SGCZ: variants seen among roughly 807,000 people sequenced by gnomAD.
SGCZ encodes zeta-sarcoglycan.
In SGCZ, 40 loss-of-function variants were observed where a neutral mutation model predicts 41.3. That is an observed-to-expected ratio of 0.97 (90% CI 0.75 to 1.26). The LOEUF is 1.26. Ranked by LOEUF, SGCZ falls within the 50% of genes most tolerant of loss-of-function variation. SGCZ has a pLI of 0.00. For missense variants in SGCZ, 552 were observed against 369.8 expected (o/e 1.49, Z -4.04); for synonymous variants, 206 against 137.5 (o/e 1.50, Z -3.49).
intron 1 of SGCZ, among the ~76,000 whole-genome samples, chr8:14,871,668 G>C (rs1804155521): frequency 1.3e-5 from 2 of 152,010 alleles, no homozygotes; most frequent in South Asian, 2.1e-4. Context: ...GCTGGGCATG[G>C]TGGCATGCAC....
intron 2 of SGCZ, among the ~76,000 whole-genome samples, chr8:14,330,310 T>C (rs11203600): frequency 0.91 from 138,958 of 152,068 alleles, 63,719 homozygotes; most frequent in South Asian, 0.96. Flanking sequence ...TTGAATTGAA[T>C]AGAATTTACC....
intron 1 of SGCZ, among the ~76,000 whole-genome samples, chr8:15,079,725 T>C (rs924026884): frequency 6.6e-6 from 1 of 152,180 alleles, no homozygotes; most frequent in African/African-American, 2.4e-5. Context: ...ATGTCCATCA[T>C]ATTTATTTAG....
At chr8:15,204,678 G>T (rs894368636) in intron 1 of SGCZ, among the ~76,000 whole-genome samples, 6 of 152,114 alleles carry the variant, frequency 3.9e-5, no homozygotes, top group African/African-American at 1.4e-4. Context: ...CCTGCCCTCT[G>T]TATAAAGCCC....
At chr8:14,695,133 C>T (rs1457984925) in intron 1 of SGCZ, among the ~76,000 whole-genome samples, 1 of 151,690 alleles carries the variant, frequency 6.6e-6, no homozygotes, top group Non-Finnish European at 1.5e-5. Flanking sequence ...AAGGAAGAGT[C>T]AATCTTAGTT....
intron 3 of SGCZ, among the ~76,000 whole-genome samples, chr8:14,322,692 G>A (rs1048022279): frequency 2.6e-5 from 4 of 152,102 alleles, no homozygotes; most frequent in South Asian, 4.1e-4. Flanking sequence ...TTATCAGTAA[G>A]GAGGCATTTT....
chr8:14,796,541 G>A (rs1490444633), intron 1 of SGCZ, among the ~76,000 whole-genome samples: 1 of 151,940 alleles, frequency 6.6e-6, no homozygotes, highest in Non-Finnish European at 1.5e-5. Context: ...TTCTGTATAT[G>A]TAAATATTGT....
intron 1 of SGCZ, among the ~76,000 whole-genome samples, chr8:15,008,098 A>G (rs1212055044): frequency 1.3e-5 from 2 of 152,166 alleles, no homozygotes; most frequent in Non-Finnish European, 2.9e-5. Flanking sequence ...TCTTTAGTCT[A>G]AGTCTTCTTA....
intron 1 of SGCZ, among the ~76,000 whole-genome samples, chr8:14,813,746 G>T (rs1284994594): frequency 6.6e-6 from 1 of 152,130 alleles, no homozygotes; most frequent in Non-Finnish European, 1.5e-5. Context: ...GAGTTCAAGA[G>T]TTCAAGACCA....
chr8:14,658,998 G>A (rs1425776798), intron 1 of SGCZ, among the ~76,000 whole-genome samples: 3 of 151,934 alleles, frequency 2.0e-5, no homozygotes, highest in Non-Finnish European at 4.4e-5. Context: ...CTAACTTAAA[G>A]TTACTGTTAA....
intron 1 of SGCZ, among the ~76,000 whole-genome samples, chr8:15,076,774 T>C (rs1805548790): frequency 1.4e-5 from 2 of 147,352 alleles, no homozygotes; most frequent in Non-Finnish European, 3.0e-5. Context: ...TTTTTTTGCT[T>C]CCCTCCTTTC....
chr8:14,550,701 G>C (rs891139725), intron 2 of SGCZ, among the ~76,000 whole-genome samples: 1 of 151,804 alleles, frequency 6.6e-6, no homozygotes, highest in Non-Finnish European at 1.5e-5. Context: ...AGGAGACCTG[G>C]GATTGCTGGT....
chr8:14,173,134 C>G (rs564342456), intron 4 of SGCZ, among the ~76,000 whole-genome samples: 2 of 151,830 alleles, frequency 1.3e-5, no homozygotes, highest in South Asian at 4.2e-4. Flanking sequence ...CAGGAGCAAG[C>G]TGATATGCTA....
intron 4 of SGCZ, among the ~76,000 whole-genome samples, chr8:14,236,682 G>A (rs576610689): frequency 4.0e-5 from 6 of 151,456 alleles, no homozygotes; most frequent in Non-Finnish European, 7.4e-5. Context: ...GTGTATGTAT[G>A]TATAACTAGA....
rs568022384 is a variant in SGCZ, at chr8:15,020,098, G to A, written c.39+217487C>T. 8.6e-5 allele frequency among the ~76,000 whole-genome samples: 13 copies of A among 151,950 alleles called. 1 individual carries two copies. In the South Asian group the frequency reaches 2.7e-3, roughly 32 times the overall value. On this transcript the variant is annotated intron_variant, in intron 1 of 7. Coordinates refer to ENST00000382080, the MANE Select transcript of SGCZ (RefSeq NM_139167.4). Reference sequence around the variant, plus strand: ...ATATCACTGTACTTTTAACATAGAAGAGACGAGACTCCCCAAACTAGATTG... The same window carrying A: ...ATATCACTGTACTTTTAACATAGAAAAGACGAGACTCCCCAAACTAGATTG...
chr8:15,059,059 C>T (rs1393176162), intron 1 of SGCZ, among the ~76,000 whole-genome samples: 3 of 151,968 alleles, frequency 2.0e-5, no homozygotes, highest in Non-Finnish European at 2.9e-5. Context: ...TAGTTTCTTG[C>T]TATGCTGGAA....
intron 2 of SGCZ, among the ~76,000 whole-genome samples, chr8:14,368,661 A>G (rs977892624): frequency 1.3e-5 from 2 of 151,670 alleles, no homozygotes; most frequent in African/African-American, 2.4e-5. Flanking sequence ...CCAGTGAATA[A>G]TAAGAGACAT....
At chr8:15,217,614 G>A (rs1044538474) in intron 1 of SGCZ, among the ~76,000 whole-genome samples, 5 of 152,266 alleles carry the variant, frequency 3.3e-5, no homozygotes, top group African/African-American at 1.2e-4. Context: ...AAACGTGGAA[G>A]GGACGAGACT....
intron 3 of SGCZ, among the ~76,000 whole-genome samples, chr8:14,264,088 T>C (rs1250514183): frequency 6.6e-6 from 1 of 152,146 alleles, no homozygotes; most frequent in African/African-American, 2.4e-5. Flanking sequence ...CACTACCCAG[T>C]GGTTTACAGC....
At chr8:14,525,995 T>C (rs1431957022) in intron 2 of SGCZ, among the ~76,000 whole-genome samples, 1 of 151,760 alleles carries the variant, frequency 6.6e-6, no homozygotes, top group Non-Finnish European at 1.5e-5. Flanking sequence ...AAAAAAGCAG[T>C]AGTAGTATTA....
Sources: gnomAD v4.1 joint callset for allele counts (sites outside exome capture counted in the v4.1 genomes callset) on GRCh38, gnomAD v4.1.1 for gene constraint, MANE v1.5 for transcripts, NCBI Gene and HGNC (gene_info 2026-07-23, HGNC 2026-07-21) for gene names.